The following RYR3 variants were observed in gnomAD, a reference collection of about 807,000 sequenced individuals.
RYR3 encodes ryanodine receptor 3.
In RYR3, 207 loss-of-function variants were observed where a neutral mutation model predicts 584.3. The ratio of observed to expected loss-of-function variants is 0.35; its 90% CI spans 0.32 to 0.40. The LOEUF (loss-of-function observed/expected upper bound fraction) is 0.40. Ranked by LOEUF, RYR3 falls within the 10% of genes least tolerant of loss-of-function variation. The probability of loss-of-function intolerance (pLI) is 1.00; values close to 1 mark genes in which losing one functional copy is unlikely to be tolerated. For missense variants in RYR3, 5,616 were observed against 6,089.2 expected (o/e 0.92, Z 2.59); for synonymous variants, 2,416 against 2,248.5 (o/e 1.07, Z -2.11).
chr15:33,810,488 C>G lies in RYR3; in HGVS notation c.10036C>G (p.Gln3346Glu), dbSNP rs1222754188. 6.2e-7 allele frequency: 1 copy of G among 1,613,860 alleles called. No individual in the cohort carries two copies. Among genetic ancestry groups the G allele is most frequent in the African/African-American group, 1.3e-5 (1 of 74,920 alleles). ...SKAMQVKSGG[Q>E]DQERKKTKRR... ...CAACATCATCTCCTAGTCTGGAGGA[C>G]AAGACCAGGAGCGGAAGAAGACAAA... The change falls in exon 71 of 104, where the codon CAA becomes GAA. Residue 3346 changes from glutamine (Q) to glutamate (E), a missense_variant. Coordinates refer to ENST00000634891, the MANE Select transcript of RYR3 (RefSeq NM_001036.6).
At position 33,662,471 on chromosome 15, in the gene RYR3, C is replaced by G. The variant is rs2152706547; in HGVS notation, c.4941C>G (p.Ser1647=). The G allele has an allele frequency of 1.2e-6, 2 of 1,613,934 alleles. No homozygotes were observed. Residue 1647 remains serine, a synonymous_variant, in exon 35 of 104, where the codon TCC becomes TCG. Coordinates refer to ENST00000634891, the MANE Select transcript of RYR3 (RefSeq NM_001036.6). ...TRNIRLFPDE[S]KRHGLPGVGL... is the part of the protein sequence containing the mutation. The stretch of plus-strand genomic sequence containing the variant: ...ATATCCGCCTCTTCCCGGACGAGTC[C>G]AAGAGGCATGGACTGCCTGGGGTGG...
At chr15:33,508,514 G>A (rs1034725777) in intron 3 of RYR3, among the ~76,000 whole-genome samples, 4 of 152,142 alleles carry the variant, frequency 2.6e-5, no homozygotes, top group African/African-American at 9.7e-5. Flanking sequence ...GCCGGGCATG[G>A]TGGCGGGCGC....
At chr15:33,552,823 C>G (rs1484159071) in intron 10 of RYR3, among the ~76,000 whole-genome samples, 1 of 152,172 alleles carries the variant, frequency 6.6e-6, no homozygotes, top group Non-Finnish European at 1.5e-5. Flanking sequence ...CCCTGATTTT[C>G]CTGGGCTTCC....
intron 43 of RYR3, among the ~76,000 whole-genome samples, chr15:33,717,449 T>G (rs868751003): frequency 6.6e-6 from 1 of 152,214 alleles, no homozygotes. Context: ...ACTTTTTTCC[T>G]TATTCCCACA....
intron 38 of RYR3, among the ~76,000 whole-genome samples, chr15:33,694,520 A>C (rs2065696406): frequency 6.6e-6 from 1 of 151,810 alleles, no homozygotes; most frequent in African/African-American, 2.4e-5. Flanking sequence ...CTGGGATTAC[A>C]GGCGTGAGCC....
At position 33,566,634 on chromosome 15, in the gene RYR3, G is replaced by A; in HGVS notation, c.1147-44G>A. 3 of 1,608,926 alleles carry A rather than the reference G, an allele frequency of 1.9e-6. No homozygotes were observed. The Admixed American group carries it at 5.0e-5, about 27-fold the overall frequency. ...GGGAAATGTTGACTGCCCATATGTG[G>A]AATAATTGTAACCTAGAGCTCCCGT... On this transcript the variant is annotated intron_variant, in intron 11 of 103. Coordinates refer to ENST00000634891, the MANE Select transcript of RYR3 (RefSeq NM_001036.6).
In RYR3 at chr15:33,841,978, G is replaced by A. The variant is rs576503078; in HGVS notation, c.13152G>A (p.Pro4384=). The change falls in exon 91 of 104, where the codon CCG becomes CCA. Residue 4384 remains proline (P), a synonymous_variant. Transcript: ENST00000634891. ...GGTGTGGTCAGAAGGTTGAGAAGCC[G>A]GAAGCTTTCACAGCCAATTTCTTTA... The part of the protein sequence containing the change: ...KRRCGQKVEK[P]EAFTANFFKG... 24 of 1,603,374 alleles carry A rather than the reference G, an allele frequency of 1.5e-5. No individual in the cohort carries two copies. The highest frequency in any genetic ancestry group is 1.7e-4 in the Middle Eastern group (1 of 5,950).
intron 94 of RYR3, chr15:33,849,706 T>G (rs2078965322): frequency 6.6e-6 from 1 of 152,210 alleles, no homozygotes; most frequent in African/African-American, 2.4e-5. Flanking sequence ...GATAGGCATG[T>G]TAAGAAACAG....
intron 76 of RYR3, among the ~76,000 whole-genome samples, chr15:33,819,328 T>C (rs2076985311): frequency 6.6e-6 from 1 of 152,176 alleles, no homozygotes; most frequent in Admixed American, 6.5e-5. Flanking sequence ...CACTAGTACT[T>C]ATAATTTGAG....
intron 16 of RYR3, among the ~76,000 whole-genome samples, chr15:33,600,447 C>T (rs557175549): frequency 1.7e-4 from 26 of 151,902 alleles, no homozygotes; most frequent in Non-Finnish European, 2.1e-4. Flanking sequence ...CTGACTGGCC[C>T]GGCACAGTTC....
In RYR3 at chr15:33,838,705, G is replaced by T. The variant is rs1383192294; in HGVS notation, c.12725G>T (p.Gly4242Val). ...LGDMPDPTQF[G>V]IHDDTMEAER... is the part of the protein sequence containing the mutation. ...GACATGCCTGACCCAACCCAATTTG[G>T]TATCCATGATGACACTATGGAGGCT... Residue 4242 changes from glycine (G) to valine (V), a missense_variant, in exon 89 of 104, where the codon GGT becomes GTT. Gly to Val is a moderately radical substitution (Grantham distance 109). Around this residue, in one of 9 missense-constraint regions of RYR3, gnomAD observed 918 missense variants for 887.4 expected, o/e 1.03. Coordinates refer to ENST00000634891, the MANE Select transcript of RYR3 (RefSeq NM_001036.6). The T allele has an allele frequency of 1.9e-6, 3 of 1,613,762 alleles. No homozygotes were observed. Among genetic ancestry groups the T allele is most frequent in the Non-Finnish European group, 1.7e-6 (2 of 1,179,862 alleles).
chr15:33,810,664 T>C lies in RYR3; in HGVS notation c.10197+15T>C, dbSNP rs2076476454. 6.2e-7 allele frequency: 1 copy of C among 1,613,924 alleles called. No individual in the cohort carries two copies. Among genetic ancestry groups the C allele is most frequent in the South Asian group, 1.1e-5 (1 of 91,072 alleles). On this transcript the variant is annotated intron_variant, in intron 71 of 103. Transcript: ENST00000634891. ...GATACAGCCATGTAAGCTGCCCGTCTGCCTGGGCTGAGTGTGTGATCCACA... is the reference window on the plus strand; with the variant it reads ...GATACAGCCATGTAAGCTGCCCGTCCGCCTGGGCTGAGTGTGTGATCCACA...
At chr15:33,697,072 A>T (rs1431850269) in intron 39 of RYR3, among the ~76,000 whole-genome samples, 2 of 152,206 alleles carry the variant, frequency 1.3e-5, no homozygotes, top group African/African-American at 2.4e-5. Flanking sequence ...AGGCCCAAAA[A>T]GATTCACTAA....
At chr15:33,392,217 C>T (rs919916449) in intron 1 of RYR3, among the ~76,000 whole-genome samples, 4 of 146,276 alleles carry the variant, frequency 2.7e-5, no homozygotes, top group African/African-American at 7.7e-5. Flanking sequence ...AAAAAAAAAT[C>T]GAAGTCAAAT....
intron 1 of RYR3, among the ~76,000 whole-genome samples, chr15:33,335,926 T>C (rs116507837): frequency 6.6e-6 from 1 of 151,536 alleles, no homozygotes; most frequent in African/African-American, 2.4e-5. Flanking sequence ...ATTTAAAACC[T>C]AAAGAATAAA....
intron 1 of RYR3, among the ~76,000 whole-genome samples, chr15:33,406,235 CCTT>C (rs2043009948): frequency 6.6e-6 from 1 of 152,188 alleles, no homozygotes; most frequent in Non-Finnish European, 1.5e-5. Context: ...CAAGGAAATG[CCTT>C]CTTTTTTTAC....
chr15:33,435,814 G>A (rs2045663177), intron 1 of RYR3, among the ~76,000 whole-genome samples: 1 of 152,302 alleles, frequency 6.6e-6, no homozygotes, highest in Non-Finnish European at 1.5e-5. Flanking sequence ...AGCAGCAGCA[G>A]CAAGATTTAT....
At chr15:33,693,525 A>C (rs1311486146) in intron 38 of RYR3, among the ~76,000 whole-genome samples, 1 of 152,270 alleles carries the variant, frequency 6.6e-6, no homozygotes, top group East Asian at 1.9e-4. Flanking sequence ...ATCGAGAAGC[A>C]TAAGAGGCAT....
chr15:33,715,145 G>A (rs1365869608), intron 43 of RYR3, among the ~76,000 whole-genome samples: 1 of 152,198 alleles, frequency 6.6e-6, no homozygotes, highest in Non-Finnish European at 1.5e-5. Flanking sequence ...AGGGTTGAGA[G>A]TACAAAGTGT....
Sources: allele counts gnomAD v4.1 joint callset (sites outside exome capture counted in the v4.1 genomes callset), GRCh38; gene constraint gnomAD v4.1.1; regional missense constraint gnomAD v4.1.1; transcripts MANE v1.5; gene names NCBI Gene and HGNC (gene_info 2026-07-23, HGNC 2026-07-21).